ZRANB3: variants seen among roughly 807,000 people sequenced by gnomAD.
ZRANB3 encodes the protein DNA annealing helicase and endonuclease ZRANB3.
In ZRANB3, 125 loss-of-function variants were observed where a neutral mutation model predicts 133.8. The ratio of observed to expected loss-of-function variants is 0.93; its 90% CI spans 0.81 to 1.08. The LOEUF is 1.08. Ranked by LOEUF, ZRANB3 falls within the 50% of genes least tolerant of loss-of-function variation. ZRANB3 has a pLI of 0.00. For synonymous variants in ZRANB3, 387 were observed against 432.7 expected (o/e 0.89, Z 1.31); for missense variants, 1,229 against 1,275.5 (o/e 0.96, Z 0.56).
At chr2:135,375,953 G>A (rs935547818) in intron 3 of ZRANB3, among the ~76,000 whole-genome samples, 1 of 152,168 alleles carries the variant, frequency 6.6e-6, no homozygotes, top group Non-Finnish European at 1.5e-5. Flanking sequence ...AGTATTTCAG[G>A]ATATGAAATT....
chr2:135,308,712 T>A (rs922104732), intron 8 of ZRANB3, among the ~76,000 whole-genome samples: 2 of 152,196 alleles, frequency 1.3e-5, no homozygotes, highest in African/African-American at 4.8e-5. Context: ...GGGACTCTCC[T>A]ACCTCGGCTT....
At chr2:135,246,325 A>G (rs1214439169) in intron 12 of ZRANB3, among the ~76,000 whole-genome samples, 1 of 152,166 alleles carries the variant, frequency 6.6e-6, no homozygotes. Context: ...TAATTTGTAG[A>G]TACAGATATC....
At chr2:135,298,634 G>A (rs1682280383) in intron 8 of ZRANB3, among the ~76,000 whole-genome samples, 1 of 152,134 alleles carries the variant, frequency 6.6e-6, no homozygotes. Flanking sequence ...CTCTGGGCTG[G>A]TACTGGGAAG....
At chr2:135,482,909 T>C (rs1691898557) in intron 2 of ZRANB3, among the ~76,000 whole-genome samples, 1 of 151,916 alleles carries the variant, frequency 6.6e-6, no homozygotes, top group African/African-American at 2.4e-5. Context: ...GTTTATATGC[T>C]GGATTACATT....
intron 2 of ZRANB3, among the ~76,000 whole-genome samples, chr2:135,503,066 G>T (rs1454473106): frequency 6.6e-6 from 1 of 152,156 alleles, no homozygotes; most frequent in African/African-American, 2.4e-5. Context: ...TGAGAGTGGG[G>T]ACTGACTGAG....
chr2:135,277,342 T>C lies in ZRANB3; in HGVS notation c.967-1587A>G, dbSNP rs1680877046. 2.6e-5 allele frequency among the ~76,000 whole-genome samples: 4 copies of C among 152,214 alleles called. No individual in the cohort carries two copies. The South Asian group carries it at 8.3e-4, about 32-fold the overall frequency. On this transcript the variant is annotated intron_variant, in intron 8 of 20. Coordinates refer to ENST00000264159, the MANE Select transcript of ZRANB3 (RefSeq NM_032143.4). ...TTATTGAAGGCCACAGTCTATAAATTGTATACATGCGCAGAGCTTCTAGTC... is the reference window on the plus strand; with the variant it reads ...TTATTGAAGGCCACAGTCTATAAATCGTATACATGCGCAGAGCTTCTAGTC...
At chr2:135,410,535 A>G (rs1376930466) in intron 2 of ZRANB3, among the ~76,000 whole-genome samples, 1 of 152,182 alleles carries the variant, frequency 6.6e-6, no homozygotes, top group Non-Finnish European at 1.5e-5. Flanking sequence ...CAAAATTCCT[A>G]GAAGAAAATC....
chr2:135,367,854 C>T lies in ZRANB3; in HGVS notation c.181-14226G>A, dbSNP rs148427927. On this transcript the variant is annotated intron_variant, in intron 3 of 20. Coordinates refer to ENST00000264159, the MANE Select transcript of ZRANB3 (RefSeq NM_032143.4). The stretch of plus-strand genomic sequence containing the variant: ...TATAACTAAATATATTATTGAATAA[C>T]TTCTCTTTTACTCAATAGCATGAAT... Among the ~76,000 whole-genome samples, 277 of 152,138 alleles carry T rather than the reference C, an allele frequency of 1.8e-3. 2 individuals are homozygous for T. Among genetic ancestry groups the T allele is most frequent in the Middle Eastern group, 0.014 (4 of 294 alleles).
At chr2:135,376,587 G>A (rs1319021816) in intron 3 of ZRANB3, among the ~76,000 whole-genome samples, 2 of 152,152 alleles carry the variant, frequency 1.3e-5, no homozygotes, top group African/African-American at 4.8e-5. Context: ...AAGCTGGTCT[G>A]TAAATATCAT....
chr2:135,243,979 T>C (rs181075531), intron 12 of ZRANB3, among the ~76,000 whole-genome samples: 17 of 151,680 alleles, frequency 1.1e-4, no homozygotes, highest in Non-Finnish European at 2.4e-4. Flanking sequence ...CATAGCTATA[T>C]ATATAAAATA....
chr2:135,338,771 T>C (rs1684488865), intron 6 of ZRANB3, among the ~76,000 whole-genome samples: 1 of 152,220 alleles, frequency 6.6e-6, no homozygotes, highest in African/African-American at 2.4e-5. Flanking sequence ...AACACGCAAT[T>C]TCAATTTTGC....
At chr2:135,371,196 G>T (rs1686163622) in intron 3 of ZRANB3, among the ~76,000 whole-genome samples, 1 of 152,174 alleles carries the variant, frequency 6.6e-6, no homozygotes, top group South Asian at 2.1e-4. Context: ...TACAGGGTGG[G>T]ATTTAATTTT....
intron 6 of ZRANB3, among the ~76,000 whole-genome samples, chr2:135,331,322 C>A (rs551842275): frequency 6.6e-6 from 1 of 152,230 alleles, no homozygotes; most frequent in South Asian, 2.1e-4. Flanking sequence ...ATTATTTACC[C>A]ACTAGTCATT....
rs573883458 is a variant in ZRANB3, at chr2:135,478,012, A to C, written c.161+26317T>G. Among the ~76,000 whole-genome samples, 124 of 152,272 alleles carry C rather than the reference A, an allele frequency of 8.1e-4. 1 individual carries two copies. The highest frequency in any genetic ancestry group is 2.6e-3 in the African/African-American group (110 of 41,556). ...TCAAAAAACAAAAAAAGAAAAGAAA[A>C]AAGAGTGTTAACAGTTCAGTCTGGA... On this transcript the variant is annotated intron_variant, in intron 2 of 20. Coordinates refer to ENST00000264159, the MANE Select transcript of ZRANB3 (RefSeq NM_032143.4).
rs571111522 is a variant in ZRANB3, at chr2:135,414,810, C to T, written c.162-23990G>A. Among the ~76,000 whole-genome samples the T allele has an allele frequency of 2.2e-4, 34 of 152,292 alleles. No individual in the cohort carries two copies. The South Asian group carries it at 5.8e-3, about 26-fold the overall frequency. On this transcript the variant is annotated intron_variant, in intron 2 of 20. Coordinates refer to ENST00000264159, the MANE Select transcript of ZRANB3 (RefSeq NM_032143.4). ...TCAGGATTAAGAATCTCACTCAAAACTGCTCAACTACATGGAAACTGAACA... is the reference window on the plus strand; with the variant it reads ...TCAGGATTAAGAATCTCACTCAAAATTGCTCAACTACATGGAAACTGAACA...
At position 135,206,828 on chromosome 2, in the gene ZRANB3, A is replaced by C. The variant is rs369782476; in HGVS notation, c.3009+606T>G. Among the ~76,000 whole-genome samples the C allele has an allele frequency of 2.2e-4, 33 of 152,186 alleles. No homozygotes were observed. The South Asian group carries it at 5.8e-3, about 27-fold the overall frequency. On this transcript the variant is annotated intron_variant, in intron 19 of 20. Transcript: ENST00000264159. ...TACCTGTGAGAGATACAGAATGAAAATATTCAAGAGTGAAAAGAAACGTTT... is the reference window on the plus strand; with the variant it reads ...TACCTGTGAGAGATACAGAATGAAACTATTCAAGAGTGAAAAGAAACGTTT...
chr2:135,411,631 G>A (rs1004674205), intron 2 of ZRANB3, among the ~76,000 whole-genome samples: 1 of 152,094 alleles, frequency 6.6e-6, no homozygotes, highest in African/African-American at 2.4e-5. Flanking sequence ...TGCAACTGGA[G>A]ATCATTATCC....
intron 2 of ZRANB3, among the ~76,000 whole-genome samples, chr2:135,485,838 G>A (rs1692093605): frequency 6.6e-6 from 1 of 152,322 alleles, no homozygotes; most frequent in East Asian, 1.9e-4. Context: ...TAATGAACAT[G>A]TGATCGTTTA....
Position 135,265,650 on chromosome 2 carries a change from C to A in ZRANB3, c.1423G>T (p.Glu475Ter). The A allele has an allele frequency of 6.2e-7, 1 of 1,613,630 alleles. No individual in the cohort carries two copies. Among genetic ancestry groups the A allele is most frequent in the Non-Finnish European group, 8.5e-7 (1 of 1,179,738 alleles). Reference sequence around the variant, plus strand: ...TCACCTTCCTCAGCCTGAATTTTTTCTTTCCTACCGTTCAGTGTGCTCCCT... The same window carrying A: ...TCACCTTCCTCAGCCTGAATTTTTTATTTCCTACCGTTCAGTGTGCTCCCT... ...VTGSTLNGRK[E>*]KIQAEEGDKE... The change falls in exon 12 of 21, where the codon GAA (glutamate) becomes TAA (stop). Residue 475 changes from glutamate (E) to a stop codon, truncating the protein, a stop_gained. Coordinates refer to ENST00000264159, the MANE Select transcript of ZRANB3 (RefSeq NM_032143.4). LOFTEE classifies it high-confidence loss of function.
Sources: gnomAD v4.1 joint callset for allele counts (sites outside exome capture counted in the v4.1 genomes callset) on GRCh38, gnomAD v4.1.1 for gene constraint, MANE v1.5 for transcripts, NCBI Gene and HGNC (gene_info 2026-07-23, HGNC 2026-07-21) for gene names.